NELL1: variants seen among roughly 807,000 people sequenced by gnomAD.
NELL1 encodes protein kinase C-binding protein NELL1.
A neutral mutation model predicts 107.4 loss-of-function variants in NELL1; 76 were observed. That is an observed-to-expected ratio of 0.71 (90% CI 0.59 to 0.86). The LOEUF is 0.86. NELL1 is among the 40% of genes least tolerant of loss of function. NELL1 has a pLI of 0.00. For synonymous variants in NELL1, 353 were observed against 341.2 expected (o/e 1.03, Z -0.38); for missense variants, 1,024 against 1,005.5 (o/e 1.02, Z -0.25).
intron 14 of NELL1, among the ~76,000 whole-genome samples, chr11:21,250,350 A>G (rs1858606324): frequency 6.6e-6 from 1 of 151,588 alleles, no homozygotes; most frequent in African/African-American, 2.4e-5. Context: ...TCTCCTCTCC[A>G]CTCCACTCGG....
chr11:21,319,547 G>C (rs1471817350), intron 14 of NELL1, among the ~76,000 whole-genome samples: 2 of 146,474 alleles, frequency 1.4e-5, no homozygotes, highest in Admixed American at 7.0e-5. Flanking sequence ...TTAACATGTT[G>C]ATCAGGCTGG....
At chr11:21,359,639 T>C (rs752558827) in intron 14 of NELL1, among the ~76,000 whole-genome samples, 3 of 152,192 alleles carry the variant, frequency 2.0e-5, no homozygotes, top group Non-Finnish European at 4.4e-5. Flanking sequence ...TGGACTTTTT[T>C]TGTTGGCAAT....
intron 4 of NELL1, among the ~76,000 whole-genome samples, chr11:20,883,631 G>C (rs1227728996): frequency 6.6e-6 from 1 of 152,010 alleles, no homozygotes; most frequent in Non-Finnish European, 1.5e-5. Context: ...GGCCTCTTTT[G>C]GTATTTACCA....
intron 4 of NELL1, among the ~76,000 whole-genome samples, chr11:20,851,434 AG>A (rs748570935): frequency 6.2e-4 from 95 of 152,212 alleles, no homozygotes; most frequent in Admixed American, 2.4e-3. Context: ...TTGGGTGGGG[AG>A]ACTGATTATC....
intron 4 of NELL1, among the ~76,000 whole-genome samples, chr11:20,878,497 T>C (rs1398317061): frequency 6.7e-6 from 1 of 149,302 alleles, no homozygotes; most frequent in East Asian, 1.9e-4. Context: ...AAATTTTCTA[T>C]CTCTATCTCT....
intron 14 of NELL1, among the ~76,000 whole-genome samples, chr11:21,244,493 A>G (rs900165771): frequency 6.6e-6 from 1 of 152,188 alleles, no homozygotes. Flanking sequence ...ATCTCAATGT[A>G]GACCAAGATA....
chr11:21,050,752 G>T (rs1853472576), intron 12 of NELL1, among the ~76,000 whole-genome samples: 2 of 152,096 alleles, frequency 1.3e-5, no homozygotes, highest in African/African-American at 4.8e-5. Context: ...TTTCTCATCT[G>T]TATAGTAAGG....
intron 12 of NELL1, among the ~76,000 whole-genome samples, chr11:21,004,237 T>C (rs1226965793): frequency 1.3e-5 from 2 of 152,150 alleles, no homozygotes; most frequent in Admixed American, 6.6e-5. Context: ...CCCTAATGCT[T>C]ATTATGTGTA....
intron 12 of NELL1, among the ~76,000 whole-genome samples, chr11:21,040,838 C>T (rs1853211678): frequency 6.6e-6 from 1 of 152,096 alleles, no homozygotes; most frequent in African/African-American, 2.4e-5. Flanking sequence ...CTGTTTGTAG[C>T]ATGAATCATA....
At chr11:21,273,489 A>C (rs943704375) in intron 14 of NELL1, among the ~76,000 whole-genome samples, 1 of 152,236 alleles carries the variant, frequency 6.6e-6, no homozygotes, top group Admixed American at 6.5e-5. Context: ...GCAGGGTATT[A>C]TCCAGGAGAA....
At chr11:21,526,771 C>T (rs1855865439) in intron 15 of NELL1, among the ~76,000 whole-genome samples, 2 of 152,196 alleles carry the variant, frequency 1.3e-5, no homozygotes, top group South Asian at 4.1e-4. Flanking sequence ...GCCTGGGATA[C>T]AGCAGCTGGG....
chr11:21,290,436 C>T (rs4923518), intron 14 of NELL1, among the ~76,000 whole-genome samples: 133,476 of 149,638 alleles, frequency 0.89, 59,432 homozygotes, highest in Non-Finnish European at 0.95. Context: ...AATAAATATT[C>T]CTTCCTGCTG....
At chr11:21,212,580 C>A (rs1048866278) in intron 13 of NELL1, among the ~76,000 whole-genome samples, 3 of 152,100 alleles carry the variant, frequency 2.0e-5, no homozygotes, top group Admixed American at 2.0e-4. Flanking sequence ...TGGAGTTCAG[C>A]AGGGAGCTGA....
At chr11:20,677,695 G>A (rs1432408463) in intron 1 of NELL1, among the ~76,000 whole-genome samples, 1 of 151,996 alleles carries the variant, frequency 6.6e-6, no homozygotes, top group East Asian at 1.9e-4. Flanking sequence ...CAGGAGTTTT[G>A]GATAAGAAAT....
In NELL1 at chr11:21,143,699, A is replaced by T. The variant is rs376587364; in HGVS notation, c.1426+29985A>T. On this transcript the variant is annotated intron_variant, in intron 13 of 19. Transcript: ENST00000357134. ...AATTTATGTAAATCTTACATGGGGCATTGGGTTTCTATGGTTGTGCAGTAG... is the reference window on the plus strand; with the variant it reads ...AATTTATGTAAATCTTACATGGGGCTTTGGGTTTCTATGGTTGTGCAGTAG... 9.2e-5 allele frequency among the ~76,000 whole-genome samples: 14 copies of T among 152,284 alleles called. No homozygotes were observed. The South Asian group carries it at 2.9e-3, about 32-fold the overall frequency.
chr11:20,702,889 G>A (rs545618986), intron 2 of NELL1, among the ~76,000 whole-genome samples: 2 of 152,094 alleles, frequency 1.3e-5, no homozygotes, highest in African/African-American at 4.8e-5. Flanking sequence ...AGCTTTTTGA[G>A]GTGCTGCTGG....
At chr11:21,566,493 T>C (rs1449099055) in intron 17 of NELL1, among the ~76,000 whole-genome samples, 2 of 151,920 alleles carry the variant, frequency 1.3e-5, no homozygotes, top group African/African-American at 4.8e-5. Flanking sequence ...TCCCTGCTTT[T>C]TAAAATTCAG....
At chr11:20,809,067 C>G (rs7936777) in intron 3 of NELL1, among the ~76,000 whole-genome samples, 1 of 152,058 alleles carries the variant, frequency 6.6e-6, no homozygotes, top group Non-Finnish European at 1.5e-5. Flanking sequence ...GGCTTCTATT[C>G]GGTCATCTTG....
intron 12 of NELL1, among the ~76,000 whole-genome samples, chr11:21,091,799 C>T (rs1854528009): frequency 6.6e-6 from 1 of 152,108 alleles, no homozygotes; most frequent in Non-Finnish European, 1.5e-5. Context: ...GATGCATGCA[C>T]AATGACAATG....
Sources: allele counts gnomAD v4.1 joint callset (sites outside exome capture counted in the v4.1 genomes callset), GRCh38; gene constraint gnomAD v4.1.1; transcripts MANE v1.5; gene names NCBI Gene and HGNC (gene_info 2026-07-23, HGNC 2026-07-21).